Variants in GALNT17 observed in about 807,000 individuals in gnomAD.
The protein encoded by GALNT17 is polypeptide N-acetylgalactosaminyltransferase 17.
In GALNT17, 29 loss-of-function variants were observed where a neutral mutation model predicts 63.7. The ratio of observed to expected loss-of-function variants is 0.46; its 90% CI spans 0.34 to 0.62. The LOEUF (loss-of-function observed/expected upper bound fraction) is 0.62. Ranked by LOEUF, GALNT17 falls within the 20% of genes least tolerant of loss-of-function variation. The pLI is 0.01. For synonymous variants in GALNT17, 305 were observed against 318.3 expected (o/e 0.96, Z 0.45); for missense variants, 603 against 799.6 (o/e 0.75, Z 2.97).
chr7:71,690,667 C>T (rs182399097), intron 9 of GALNT17, among the ~76,000 whole-genome samples: 1 of 152,286 alleles, frequency 6.6e-6, no homozygotes, highest in Admixed American at 6.5e-5. Context: ...GTTTGTGATT[C>T]ATGGAAGACC....
At chr7:71,698,013 C>T (rs978311762) in intron 9 of GALNT17, among the ~76,000 whole-genome samples, 3 of 151,378 alleles carry the variant, frequency 2.0e-5, no homozygotes, top group African/African-American at 7.3e-5. Flanking sequence ...ATCCCAGCTA[C>T]TCAGGAGGCT....
In GALNT17 at chr7:71,319,096, ATCTT is replaced by A. The variant is rs11272198; in HGVS notation, c.239-16428_239-16425del. Reference sequence around the variant, plus strand: ...TCAGCTTGCTGAGCTATTTTTGTTTATCTTTCTTTCTTTCTTTCTTTCTTTCTTT... The same window carrying A: ...TCAGCTTGCTGAGCTATTTTTGTTTATCTTTCTTTCTTTCTTTCTTTCTTT... On this transcript the variant is annotated intron_variant, in intron 1 of 10. Transcript: ENST00000333538. Among the ~76,000 whole-genome samples the A allele has an allele frequency of 1.3e-3, 170 of 131,992 alleles. 1 individual carries two copies. The East Asian group carries it at 0.021, about 16-fold the overall frequency. 86.6% of individuals were successfully genotyped at this position (131,992 alleles called of 152,430 possible). A position where few individuals can be genotyped will look rare whatever the true frequency, so the allele number is the denominator to read the frequency against.
chr7:71,576,488 C>T (rs1789538953), intron 6 of GALNT17, among the ~76,000 whole-genome samples: 3 of 151,280 alleles, frequency 2.0e-5, no homozygotes, highest in African/African-American at 7.3e-5. Context: ...ACAAGTGTTC[C>T]TGTTCTCTGC....
At chr7:71,217,232 C>CCCAAA (rs1406524082) in intron 1 of GALNT17, among the ~76,000 whole-genome samples, 1 of 150,732 alleles carries the variant, frequency 6.6e-6, no homozygotes, top group Non-Finnish European at 1.5e-5. Flanking sequence ...ACCTTGGCCT[C>CCCAAA]CCAAAGTGCT....
chr7:71,442,017 G>A (rs1787076380), intron 5 of GALNT17, among the ~76,000 whole-genome samples: 1 of 152,104 alleles, frequency 6.6e-6, no homozygotes, highest in Non-Finnish European at 1.5e-5. Context: ...GGATTGCTGG[G>A]TCAAATGGTA....
intron 2 of GALNT17, among the ~76,000 whole-genome samples, chr7:71,359,085 T>C (rs1019060247): frequency 3.9e-5 from 6 of 152,244 alleles, no homozygotes; most frequent in Non-Finnish European, 7.3e-5. Flanking sequence ...TTGCAATGAT[T>C]TACAAGATTT....
intron 1 of GALNT17, among the ~76,000 whole-genome samples, chr7:71,293,458 G>C (rs940956184): frequency 2.0e-5 from 3 of 152,080 alleles, no homozygotes; most frequent in African/African-American, 4.8e-5. Context: ...TGGTGACATT[G>C]TGCATTTTTT....
chr7:71,450,027 G>T (rs2116545981), intron 5 of GALNT17, among the ~76,000 whole-genome samples: 1 of 115,134 alleles, frequency 8.7e-6, no homozygotes, highest in South Asian at 3.6e-4. Context: ...GGGCAACAAA[G>T]AGCGAAACTC....
intron 5 of GALNT17, among the ~76,000 whole-genome samples, chr7:71,460,042 G>A (rs1349889242): frequency 1.3e-5 from 2 of 152,158 alleles, no homozygotes; most frequent in African/African-American, 2.4e-5. Context: ...GTTCTCTAAT[G>A]TATTTGAGTG....
intron 2 of GALNT17, among the ~76,000 whole-genome samples, chr7:71,355,271 T>C (rs746987472): frequency 2.4e-4 from 36 of 152,208 alleles, no homozygotes; most frequent in Non-Finnish European, 4.7e-4. Context: ...CTGAAAAGCA[T>C]TCTAAGTTGG....
At chr7:71,380,476 C>T (rs1232291733) in intron 2 of GALNT17, among the ~76,000 whole-genome samples, 1 of 151,930 alleles carries the variant, frequency 6.6e-6, no homozygotes, top group East Asian at 1.9e-4. Flanking sequence ...GCCAACACCA[C>T]ACCCGGCTAA....
At chr7:71,476,221 G>A (rs1327853620) in intron 5 of GALNT17, among the ~76,000 whole-genome samples, 1 of 152,230 alleles carries the variant, frequency 6.6e-6, no homozygotes, top group Non-Finnish European at 1.5e-5. Flanking sequence ...ACAGAGGTTG[G>A]TGTTTTCACT....
intron 6 of GALNT17, among the ~76,000 whole-genome samples, chr7:71,651,947 C>A (rs1055046573): frequency 1.3e-5 from 2 of 152,116 alleles, no homozygotes; most frequent in Admixed American, 1.3e-4. Context: ...GCAATCCCCC[C>A]CAGCTCGGCC....
intron 1 of GALNT17, among the ~76,000 whole-genome samples, chr7:71,248,508 G>GGTTCCT (rs1790141231): frequency 6.6e-6 from 1 of 152,148 alleles, no homozygotes; most frequent in Admixed American, 6.5e-5. Context: ...GAAACATACA[G>GGTTCCT]ATAGGACCTG....
intron 6 of GALNT17, among the ~76,000 whole-genome samples, chr7:71,613,484 T>C (rs527335738): frequency 6.6e-6 from 1 of 152,192 alleles, no homozygotes; most frequent in African/African-American, 2.4e-5. Flanking sequence ...GCAGTGTCAC[T>C]CTGCAGACGT....
intron 1 of GALNT17, among the ~76,000 whole-genome samples, chr7:71,177,083 A>T (rs1459497952): frequency 6.6e-6 from 1 of 152,052 alleles, no homozygotes; most frequent in Non-Finnish European, 1.5e-5. Flanking sequence ...TTCTCCATGG[A>T]GTGCGCTGTT....
chr7:71,463,582 G>A (rs1233481656), intron 5 of GALNT17, among the ~76,000 whole-genome samples: 2 of 152,192 alleles, frequency 1.3e-5, no homozygotes, highest in Non-Finnish European at 1.5e-5. Flanking sequence ...CAGAGCAGTG[G>A]CATGGGCTGC....
Position 71,433,962 on chromosome 7 carries a change from G to T in GALNT17, c.962+12857G>T, listed in dbSNP as rs983995629. On this transcript the variant is annotated intron_variant, in intron 5 of 10. Transcript: ENST00000333538. ...CTAGGATAAAAGCAGGCAGGAATGT[G>T]GAAGGACTAGATTGGCTGAGTCTTC... Among the ~76,000 whole-genome samples, 5 of 152,148 alleles carry T rather than the reference G, an allele frequency of 3.3e-5. No homozygotes were observed. The East Asian group carries it at 9.6e-4, about 29-fold the overall frequency.
chr7:71,441,766 A>C (rs1787070884), intron 5 of GALNT17, among the ~76,000 whole-genome samples: 1 of 152,164 alleles, frequency 6.6e-6, no homozygotes, highest in African/African-American at 2.4e-5. Context: ...GTTTGCTGAG[A>C]AGCATGGTTT....
Sources: allele counts gnomAD v4.1 joint callset (sites outside exome capture counted in the v4.1 genomes callset), GRCh38; gene constraint gnomAD v4.1.1; transcripts MANE v1.5; gene names NCBI Gene and HGNC (gene_info 2026-07-23, HGNC 2026-07-21).